The following CNTN4 variants were observed in gnomAD, a reference collection of about 807,000 sequenced individuals.
The protein encoded by CNTN4 is contactin-4.
Under a neutral mutation model 122.5 loss-of-function variants are expected in CNTN4, and 77 were observed. The observed-to-expected ratio is 0.63, with a 90% confidence interval of 0.52 to 0.76. The LOEUF (loss-of-function observed/expected upper bound fraction) is 0.76. Ranked by LOEUF, CNTN4 falls within the 30% of genes least tolerant of loss-of-function variation. The pLI is 0.00. For missense variants in CNTN4, 1,256 were observed against 1,259.1 expected (o/e 1.00, Z 0.04); for synonymous variants, 512 against 447.0 (o/e 1.15, Z -1.83).
chr3:2,720,410 T>C (rs1319381314), intron 4 of CNTN4, among the ~76,000 whole-genome samples: 1 of 152,170 alleles, frequency 6.6e-6, no homozygotes, highest in Non-Finnish European at 1.5e-5. Context: ...GCATAACTCG[T>C]TCAGAGACCT....
chr3:2,617,096 C>T (rs555646445), intron 4 of CNTN4, among the ~76,000 whole-genome samples: 16 of 152,270 alleles, frequency 1.1e-4, no homozygotes, highest in African/African-American at 3.4e-4. Flanking sequence ...GACTTCATGA[C>T]GTCAATGCCA....
intron 4 of CNTN4, among the ~76,000 whole-genome samples, chr3:2,576,124 C>T (rs770234803): frequency 3.0e-4 from 45 of 152,258 alleles, no homozygotes; most frequent in Non-Finnish European, 5.9e-4. Flanking sequence ...CGTGAGCCAC[C>T]ACGCCCAGCC....
intron 13 of CNTN4, among the ~76,000 whole-genome samples, chr3:2,933,772 A>G (rs2094545246): frequency 6.6e-6 from 1 of 152,188 alleles, no homozygotes; most frequent in Admixed American, 6.5e-5. Flanking sequence ...AGGAAACTGG[A>G]AGTATAGATC....
intron 2 of CNTN4, among the ~76,000 whole-genome samples, chr3:2,172,096 T>C (rs989572154): frequency 4.6e-5 from 7 of 152,228 alleles, no homozygotes; most frequent in African/African-American, 1.4e-4. Flanking sequence ...TCAAGTTTTA[T>C]TGTAAGTTGA....
chr3:2,458,501 TATTA>T lies in CNTN4; in HGVS notation c.-88-112909_-88-112906del, dbSNP rs202190598. ...TTCATATCTTCATTAAGTTTAAAGA[TATTA>T]ATTAAGCATTATCTATCTATTTATT... On this transcript the variant is annotated intron_variant, in intron 3 of 24. Transcript: ENST00000418658. Among the ~76,000 whole-genome samples, 301 of 152,284 alleles carry T rather than the reference TATTA, an allele frequency of 2.0e-3. 3 individuals carry two copies. Among genetic ancestry groups the T allele is most frequent in the East Asian group, 0.015 (77 of 5,186 alleles).
At chr3:2,534,245 CATGT>C (rs1194997148) in intron 3 of CNTN4, among the ~76,000 whole-genome samples, 1 of 152,164 alleles carries the variant, frequency 6.6e-6, no homozygotes, top group African/African-American at 2.4e-5. Flanking sequence ...TTAGGTCTAA[CATGT>C]AAGTCTTCAA....
intron 2 of CNTN4, among the ~76,000 whole-genome samples, chr3:2,118,768 A>G (rs1456707462): frequency 2.0e-5 from 3 of 152,222 alleles, no homozygotes; most frequent in African/African-American, 4.8e-5. Flanking sequence ...AACTCAGTGA[A>G]GGGGATTTAT....
Position 2,546,241 on chromosome 3 carries a change from A to G in CNTN4, c.-88-25175A>G, listed in dbSNP as rs116237687. On this transcript the variant is annotated intron_variant, in intron 3 of 24. Coordinates refer to ENST00000418658, the MANE Select transcript of CNTN4 (RefSeq NM_175607.3). Reference sequence around the variant, plus strand: ...TGCAGCACTATTCACAATAGCAAAGATGTAGAATCAACCTAAATGCCTATC... The same window carrying G: ...TGCAGCACTATTCACAATAGCAAAGGTGTAGAATCAACCTAAATGCCTATC... Among the ~76,000 whole-genome samples the G allele has an allele frequency of 6.3e-3, 956 of 152,082 alleles. 12 individuals are homozygous for G. The highest frequency in any genetic ancestry group is 0.022 in the African/African-American group (910 of 41,510).
chr3:2,738,960 G>A (rs997093036), intron 5 of CNTN4, among the ~76,000 whole-genome samples: 2 of 152,014 alleles, frequency 1.3e-5, no homozygotes, highest in Non-Finnish European at 2.9e-5. Context: ...AAAATTACAA[G>A]CTGTAAACTT....
chr3:2,493,441 A>G (rs999568369), intron 3 of CNTN4, among the ~76,000 whole-genome samples: 5 of 150,906 alleles, frequency 3.3e-5, no homozygotes, highest in Admixed American at 2.7e-4. Flanking sequence ...AAGCATTCGC[A>G]TTTCTGGCCT....
intron 8 of CNTN4, among the ~76,000 whole-genome samples, chr3:2,881,196 C>G (rs986109285): frequency 6.6e-6 from 1 of 152,166 alleles, no homozygotes; most frequent in African/African-American, 2.4e-5. Context: ...TGATGCTTCT[C>G]AAACTCTGAA....
intron 3 of CNTN4, among the ~76,000 whole-genome samples, chr3:2,473,240 A>AAC (rs1390732012): frequency 6.4e-5 from 6 of 94,350 alleles, no homozygotes; most frequent in East Asian, 2.9e-4. Context: ...TCAAAAAAAA[A>AAC]AAAAAAAAAA....
chr3:2,610,857 A>G (rs1393969677), intron 4 of CNTN4, among the ~76,000 whole-genome samples: 1 of 152,190 alleles, frequency 6.6e-6, no homozygotes, highest in Non-Finnish European at 1.5e-5. Context: ...ACAGTTTTCC[A>G]CTAGTAACTT....
intron 2 of CNTN4, among the ~76,000 whole-genome samples, chr3:2,171,861 C>T (rs1437831799): frequency 6.6e-6 from 1 of 152,200 alleles, no homozygotes; most frequent in Admixed American, 6.5e-5. Flanking sequence ...GGGTTCTAGT[C>T]TAGACTCTTG....
At chr3:2,890,000 C>T (rs2094020476) in intron 10 of CNTN4, among the ~76,000 whole-genome samples, 1 of 152,192 alleles carries the variant, frequency 6.6e-6, no homozygotes, top group Non-Finnish European at 1.5e-5. Flanking sequence ...ATGGAGTTAT[C>T]TGCAGCCATG....
At chr3:2,754,075 G>A (rs576413279) in intron 6 of CNTN4, among the ~76,000 whole-genome samples, 4 of 152,136 alleles carry the variant, frequency 2.6e-5, no homozygotes, top group Non-Finnish European at 5.9e-5. Flanking sequence ...AGCAGTAAAT[G>A]AAATATTTGT....
At chr3:2,541,903 A>G (rs1339607181) in intron 3 of CNTN4, among the ~76,000 whole-genome samples, 1 of 152,040 alleles carries the variant, frequency 6.6e-6, no homozygotes, top group Non-Finnish European at 1.5e-5. Context: ...CAACTCTAAT[A>G]TTTATCTCTG....
intron 2 of CNTN4, among the ~76,000 whole-genome samples, chr3:2,108,579 A>G (rs891353642): frequency 3.3e-5 from 5 of 152,190 alleles, no homozygotes; most frequent in African/African-American, 1.2e-4. Context: ...ACAGCTTGAA[A>G]TTTGGAGGCA....
At chr3:2,886,110 C>A (rs1424844008) in intron 9 of CNTN4, among the ~76,000 whole-genome samples, 1 of 152,136 alleles carries the variant, frequency 6.6e-6, no homozygotes, top group East Asian at 1.9e-4. Flanking sequence ...TAGACCTCAT[C>A]TCAATGGGAG....
Sources: allele counts gnomAD v4.1 joint callset (sites outside exome capture counted in the v4.1 genomes callset), GRCh38; gene constraint gnomAD v4.1.1; transcripts MANE v1.5; gene names NCBI Gene and HGNC (gene_info 2026-07-23, HGNC 2026-07-21).